The following CACNA1C variants were observed in gnomAD, a reference collection of about 807,000 sequenced individuals.
The protein encoded by CACNA1C is calcium voltage-gated channel subunit alpha1 C, also known as voltage-dependent L-type calcium channel subunit alpha-1C.
CACNA1C carries 30 observed loss-of-function variants against 229.0 expected under a neutral mutation model. The observed-to-expected ratio is 0.13, with a 90% CI of 0.10 to 0.18. The LOEUF (loss-of-function observed/expected upper bound fraction) is 0.18, where lower values mean the gene tolerates loss of function less well. Ranked by LOEUF, CACNA1C falls within the 10% of genes least tolerant of loss-of-function variation. The pLI is 1.00. For missense variants in CACNA1C, 1,658 were observed against 2,845.0 expected (o/e 0.58, Z 9.49); for synonymous variants, 1,114 against 1,132.5 (o/e 0.98, Z 0.33).
chr12:2,118,958 G>C (rs2085248767), intron 2 of CACNA1C, among the ~76,000 whole-genome samples: 1 of 152,186 alleles, frequency 6.6e-6, no homozygotes, highest in Non-Finnish European at 1.5e-5. Context: ...GTACCCACAG[G>C]ACTAGGGAGA....
chr12:2,109,098 G>GTGTC (rs2080505479), intron 1 of CACNA1C, among the ~76,000 whole-genome samples: 1 of 152,172 alleles, frequency 6.6e-6, no homozygotes, highest in Non-Finnish European at 1.5e-5. Context: ...ATCGATGTGG[G>GTGTC]TGTCTGTGTC....
In CACNA1C at chr12:2,139,654, G is replaced by A. The variant is rs966905660; in HGVS notation, c.477+19224G>A. Among the ~76,000 whole-genome samples the A allele has an allele frequency of 1.3e-4, 19 of 151,332 alleles. 1 individual carries two copies. Among genetic ancestry groups the A allele is most frequent in the Non-Finnish European group, 2.4e-4 (16 of 67,578 alleles). On this transcript the variant is annotated intron_variant, in intron 3 of 46. Coordinates refer to ENST00000399655, the MANE Select transcript of CACNA1C (RefSeq NM_000719.7). The stretch of plus-strand genomic sequence containing the variant: ...TTCTGTACCCGTTTACAGTATAGCC[G>A]CCTGAGGGACCGTGGCATGTGTGGC...
intron 8 of CACNA1C, among the ~76,000 whole-genome samples, chr12:2,507,965 C>A (rs1360755509): frequency 6.6e-6 from 1 of 152,226 alleles, no homozygotes; most frequent in Non-Finnish European, 1.5e-5. Context: ...AGCGAGCAGG[C>A]AGGCACAGAA....
intron 3 of CACNA1C, among the ~76,000 whole-genome samples, chr12:2,430,266 A>G (rs2099069757): frequency 6.6e-6 from 1 of 152,166 alleles, no homozygotes; most frequent in Admixed American, 6.5e-5. Context: ...GGAGGGAATC[A>G]CAAACATTCG....
chr12:2,019,606 AAAG>A (rs1434878037), intron 1 of CACNA1C, among the ~76,000 whole-genome samples: 7 of 99,074 alleles, frequency 7.1e-5, no homozygotes, highest in Admixed American at 6.0e-4. Flanking sequence ...AGAAGGAAAG[AAAG>A]AAGAAAGAAA....
At chr12:2,176,714 G>A (rs76116619) in intron 3 of CACNA1C, among the ~76,000 whole-genome samples, 3,777 of 152,188 alleles carry the variant, frequency 0.025, 75 homozygotes, top group Non-Finnish European at 0.037. Context: ...ATAAAATCCC[G>A]GAGCAGAAAC....
chr12:2,285,076 AG>A lies in CACNA1C; in HGVS notation c.478-163898del, dbSNP rs976116193. Among the ~76,000 whole-genome samples, 18 of 152,152 alleles carry A rather than the reference AG, an allele frequency of 1.2e-4. No homozygotes were observed. Among genetic ancestry groups the A allele is most frequent in the African/African-American group, 4.3e-4 (18 of 41,512 alleles). ...CCTGGCATCTCTCCTGCTCTCTGGG[AG>A]GAGGGACGGGCCGCTAAGTGCTGAC... On this transcript the variant is annotated intron_variant, in intron 3 of 46. Transcript: ENST00000399655. This position sits in a 1 kb window ranked among gnomAD's most constrained non-coding sequence, Gnocchi z 4.2.
At chr12:2,533,083 C>T (rs1437459652) in intron 9 of CACNA1C, among the ~76,000 whole-genome samples, 1 of 152,156 alleles carries the variant, frequency 6.6e-6, no homozygotes, top group Non-Finnish European at 1.5e-5. Context: ...GTGAAGAAGG[C>T]CTTTGATTCA....
intron 3 of CACNA1C, among the ~76,000 whole-genome samples, chr12:2,277,358 GACAGACACACACACAC>G (rs1181783966): frequency 0.04 from 3,286 of 81,540 alleles, 24 homozygotes; most frequent in South Asian, 0.047. Context: ...CAGACAGACA[GACAGACACACACACAC>G]ACACACACAC....
intron 6 of CACNA1C, among the ~76,000 whole-genome samples, chr12:2,491,962 TTCTCTCTCTCTCTC>T (rs57394200): frequency 1.0e-3 from 154 of 147,244 alleles, no homozygotes; most frequent in South Asian, 2.2e-3. Flanking sequence ...TATAAGCAAA[TTCTCTCTCTCTCTC>T]TCTCTCTCTC....
intron 9 of CACNA1C, among the ~76,000 whole-genome samples, chr12:2,514,962 T>C (rs1394265679): frequency 6.6e-6 from 1 of 152,222 alleles, no homozygotes; most frequent in Non-Finnish European, 1.5e-5. Context: ...AAGAGCATAA[T>C]GAGCTGCCTA....
rs534321776 is a variant in CACNA1C at position 2,233,637 on chromosome 12, C to A, written c.477+113207C>A. 1.7e-4 allele frequency among the ~76,000 whole-genome samples: 26 copies of A among 152,296 alleles called. No homozygotes were observed. The South Asian group carries it at 5.2e-3, about 30-fold the overall frequency. ...AGTAGCTCCTGGGGCCATTAAAAACCTTTGCCCATGCCTTGTTTCTGATAC... is the reference window on the plus strand; with the variant it reads ...AGTAGCTCCTGGGGCCATTAAAAACATTTGCCCATGCCTTGTTTCTGATAC... On this transcript the variant is annotated intron_variant, in intron 3 of 46. Coordinates refer to ENST00000399655, the MANE Select transcript of CACNA1C (RefSeq NM_000719.7).
intron 3 of CACNA1C, among the ~76,000 whole-genome samples, chr12:2,360,663 C>T (rs1012626990): frequency 6.6e-6 from 1 of 152,196 alleles, no homozygotes; most frequent in Non-Finnish European, 1.5e-5. Flanking sequence ...CATTTTACCT[C>T]TCCCCGTTGC....
intron 3 of CACNA1C, among the ~76,000 whole-genome samples, chr12:2,272,056 A>G (rs898256323): frequency 3.3e-5 from 5 of 152,138 alleles, no homozygotes; most frequent in Admixed American, 2.6e-4. Flanking sequence ...CACCAACGGG[A>G]CTAGTATCCC....
intron 18 of CACNA1C, among the ~76,000 whole-genome samples, chr12:2,586,369 G>A (rs1043657673): frequency 1.4e-4 from 21 of 152,170 alleles, no homozygotes; most frequent in African/African-American, 4.6e-4. Flanking sequence ...AATGATTTCA[G>A]GTCTCATTAT....
At position 2,512,589 on chromosome 12, in the gene CACNA1C, G is replaced by A. The variant is rs1419241465; in HGVS notation, c.1218-223G>A. On this transcript the variant is annotated intron_variant, in intron 8 of 46. Transcript: ENST00000399655. The surrounding 1 kb of genome is among the most constrained non-coding windows in gnomAD (Gnocchi z 4.3). The stretch of plus-strand genomic sequence containing the variant: ...GCCTCTCCTGGCCAGTGTCAGGAAT[G>A]TCCCCTTACTGACGCTTCCCATCGA... Among the ~76,000 whole-genome samples, 1 of 152,142 alleles carries A rather than the reference G, an allele frequency of 6.6e-6. No homozygotes were observed. Among genetic ancestry groups the A allele is most frequent in the Non-Finnish European group, 1.5e-5 (1 of 68,030 alleles).
intron 3 of CACNA1C, among the ~76,000 whole-genome samples, chr12:2,341,884 C>T (rs1379718716): frequency 6.6e-6 from 1 of 152,172 alleles, no homozygotes; most frequent in Non-Finnish European, 1.5e-5. Context: ...GGATTTCAGC[C>T]CATCGGCACA....
In CACNA1C at chr12:2,245,376, G is replaced by A. The variant is rs558625209; in HGVS notation, c.477+124946G>A. ...GGTTTAAATTTTCATTGACTGAACA[G>A]TAAAGGGGAGAAGCAAACACACATG... On this transcript the variant is annotated intron_variant, in intron 3 of 46. Transcript: ENST00000399655. Among the ~76,000 whole-genome samples the A allele has an allele frequency of 5.3e-5, 8 of 152,298 alleles. No individual in the cohort carries two copies. In the East Asian group the frequency reaches 1.2e-3, roughly 22 times the overall value.
intron 1 of CACNA1C, among the ~76,000 whole-genome samples, chr12:2,022,288 G>A (rs2046595303): frequency 6.6e-6 from 1 of 152,186 alleles, no homozygotes; most frequent in South Asian, 2.1e-4. Flanking sequence ...GAGTTCAGGG[G>A]AACCGGAATA....
Sources: allele counts gnomAD v4.1 joint callset (sites outside exome capture counted in the v4.1 genomes callset), GRCh38; gene constraint gnomAD v4.1.1; non-coding constraint Gnocchi (gnomAD v3.1); transcripts MANE v1.5; gene names NCBI Gene and HGNC (gene_info 2026-07-23, HGNC 2026-07-21).